Variants in EYS observed in about 807,000 individuals in gnomAD.
EYS encodes the protein EGF-like photoreceptor maintenance factor.
A neutral mutation model predicts 282.1 loss-of-function variants in EYS; 250 were observed. That is an observed-to-expected ratio of 0.89 (90% confidence interval 0.80 to 0.98). The LOEUF is 0.98. Among genes scored for constraint, EYS ranks in the 50% least tolerant of loss-of-function variants. The probability of loss-of-function intolerance (pLI) is 0.00; values close to 1 mark genes in which losing one functional copy is unlikely to be tolerated. For synonymous variants in EYS, 1,355 were observed against 1,282.9 expected, an observed-to-expected ratio of 1.06 and a Z score of -1.20; for missense variants, 4,016 against 3,709.0, an observed-to-expected ratio of 1.08 and a Z score of -2.15.
intron 22 of EYS, among the ~76,000 whole-genome samples, chr6:64,633,769 G>A (rs905222791): frequency 6.6e-6 from 1 of 152,050 alleles, no homozygotes; most frequent in African/African-American, 2.4e-5. Context: ...ACTATAAAGA[G>A]GCCCATGTGG....
chr6:64,505,224 G>A (rs1777172194), intron 26 of EYS, among the ~76,000 whole-genome samples: 1 of 152,104 alleles, frequency 6.6e-6, no homozygotes, highest in Non-Finnish European at 1.5e-5. Flanking sequence ...TGAAGGCTAG[G>A]CAATTCAGAG....
chr6:64,128,182 A>G (rs781481562), intron 31 of EYS, among the ~76,000 whole-genome samples: 8 of 152,104 alleles, frequency 5.3e-5, no homozygotes, highest in Non-Finnish European at 1.0e-4. Flanking sequence ...TTTTTACCTG[A>G]GCAGTACGAT....
At chr6:64,831,380 C>A (rs1246570655) in intron 19 of EYS, among the ~76,000 whole-genome samples, 2 of 151,860 alleles carry the variant, frequency 1.3e-5, no homozygotes, top group East Asian at 3.9e-4. Flanking sequence ...CAATCATTTG[C>A]TAATATTTTC....
At chr6:63,989,561 T>C (rs964983038) in intron 34 of EYS, among the ~76,000 whole-genome samples, 3 of 151,770 alleles carry the variant, frequency 2.0e-5, no homozygotes, top group Admixed American at 2.0e-4. Flanking sequence ...ATATATATTT[T>C]TATTTTTAGG....
chr6:64,331,453 C>T lies in EYS; in HGVS notation c.6079-24371G>A, dbSNP rs151155088. Among the ~76,000 whole-genome samples the T allele has an allele frequency of 2.5e-3, 377 of 152,156 alleles. 2 individuals carry two copies. The highest frequency in any genetic ancestry group is 8.2e-3 in the African/African-American group (341 of 41,536). ...GGTAACTAAGAAGGAAGAGGAAACC[C>T]TTACCATGCCCTTACTGGAGCTTCC... On this transcript the variant is annotated intron_variant, in intron 29 of 42. Transcript: ENST00000503581.
intron 22 of EYS, among the ~76,000 whole-genome samples, chr6:64,711,974 A>G (rs930260543): frequency 1.3e-5 from 2 of 152,204 alleles, no homozygotes; most frequent in Admixed American, 6.5e-5. Context: ...AGGTATATGT[A>G]AAATAGGTGA....
At chr6:65,328,944 A>G (rs1341017190) in intron 11 of EYS, among the ~76,000 whole-genome samples, 1 of 151,306 alleles carries the variant, frequency 6.6e-6, no homozygotes, top group Non-Finnish European at 1.5e-5. Flanking sequence ...GACAAAGGTC[A>G]CCTTTTAAAG....
At chr6:64,026,288 T>A (rs140859220) in intron 33 of EYS, among the ~76,000 whole-genome samples, 1 of 151,830 alleles carries the variant, frequency 6.6e-6, no homozygotes, top group African/African-American at 2.4e-5. Context: ...GGGTCCAGGG[T>A]CCGTTGTGGG....
chr6:64,460,481 T>G lies in EYS; in HGVS notation c.5645-21129A>C, dbSNP rs181159773. Reference sequence around the variant, plus strand: ...CACATTGGAAAATCTCATTCCTAATTTTCCAGATATGTTGCTGCTTGTTTG... The same window carrying G: ...CACATTGGAAAATCTCATTCCTAATGTTCCAGATATGTTGCTGCTTGTTTG... On this transcript the variant is annotated intron_variant, in intron 26 of 42. Transcript: ENST00000503581. 1.3e-5 allele frequency among the ~76,000 whole-genome samples: 2 copies of G among 152,326 alleles called. 1 individual carries two copies. Among genetic ancestry groups the G allele is most frequent in the Non-Finnish European group, 2.9e-5 (2 of 68,022 alleles).
intron 26 of EYS, among the ~76,000 whole-genome samples, chr6:64,565,722 T>C (rs559373988): frequency 1.3e-5 from 2 of 152,100 alleles, no homozygotes; most frequent in Non-Finnish European, 2.9e-5. Context: ...AATACTGTAT[T>C]GTATACTTGA....
chr6:64,944,830 T>C (rs1769220949), intron 15 of EYS, among the ~76,000 whole-genome samples: 1 of 152,112 alleles, frequency 6.6e-6, no homozygotes, highest in South Asian at 2.1e-4. Flanking sequence ...TTTGCAGCAA[T>C]GCTGCCTTGT....
At chr6:63,967,101 T>C (rs1392966875) in intron 35 of EYS, among the ~76,000 whole-genome samples, 2 of 152,294 alleles carry the variant, frequency 1.3e-5, no homozygotes, top group East Asian at 3.9e-4. Flanking sequence ...TAAGTGTCAC[T>C]TGAACACGAG....
intron 14 of EYS, among the ~76,000 whole-genome samples, chr6:64,955,203 A>G (rs76733514): frequency 1.3e-5 from 1 of 79,710 alleles, no homozygotes; most frequent in Non-Finnish European, 2.6e-5. Context: ...AACAACCAAC[A>G]AAAAAAAAAT....
intron 33 of EYS, among the ~76,000 whole-genome samples, chr6:64,041,373 G>A (rs1206462630): frequency 6.6e-6 from 1 of 152,218 alleles, no homozygotes; most frequent in African/African-American, 2.4e-5. Context: ...GGTTGAATAC[G>A]GGAAAAATAA....
intron 19 of EYS, among the ~76,000 whole-genome samples, chr6:64,836,054 A>C (rs1459117212): frequency 6.6e-6 from 1 of 151,616 alleles, no homozygotes; most frequent in East Asian, 1.9e-4. Flanking sequence ...AAATGAAAAT[A>C]ATCGCTCAAA....
chr6:64,908,437 G>A (rs555817769), intron 16 of EYS, among the ~76,000 whole-genome samples: 11 of 152,152 alleles, frequency 7.2e-5, no homozygotes, highest in South Asian at 4.2e-4. Flanking sequence ...GCCTTGCCTC[G>A]TCACATGGGG....
intron 11 of EYS, chr6:65,300,900 C>T (rs988450260): frequency 6.6e-6 from 1 of 152,142 alleles, no homozygotes; most frequent in Non-Finnish European, 1.5e-5. Flanking sequence ...TATTGCACCA[C>T]ATCCCTGGGC....
chr6:63,752,216 T>A lies in EYS; in HGVS notation c.8071+10245A>T, dbSNP rs182300442. On this transcript the variant is annotated intron_variant, in intron 41 of 42. Transcript: ENST00000503581. The stretch of plus-strand genomic sequence containing the variant: ...ACTTTAAGTTTTAATTTTTTGACTA[T>A]TTTCTGGCTGACACAATTGATATCC... Among the ~76,000 whole-genome samples, 620 of 150,916 alleles carry A rather than the reference T, an allele frequency of 4.1e-3. 3 individuals are homozygous for A. Among genetic ancestry groups the A allele is most frequent in the African/African-American group, 0.015 (602 of 41,314 alleles).
chr6:64,263,393 G>T (rs1481747197), intron 30 of EYS, among the ~76,000 whole-genome samples: 1 of 151,980 alleles, frequency 6.6e-6, no homozygotes, highest in Non-Finnish European at 1.5e-5. Context: ...ATCTAAGCTT[G>T]TTGGTTTTAT....
Sources: gnomAD v4.1 joint callset for allele counts (sites outside exome capture counted in the v4.1 genomes callset) on GRCh38, gnomAD v4.1.1 for gene constraint, MANE v1.5 for transcripts, NCBI Gene and HGNC (gene_info 2026-07-23, HGNC 2026-07-21) for gene names.